Variants in CD302 observed in about 807,000 individuals in gnomAD.
CD302 encodes CD302 antigen.
Under a neutral mutation model 26.5 loss-of-function variants are expected in CD302, and 23 were observed. The ratio of observed to expected loss-of-function variants is 0.87; its 90% confidence interval spans 0.62 to 1.23. The LOEUF (loss-of-function observed/expected upper bound fraction) is 1.23, where lower values mean the gene tolerates loss of function less well. CD302 is among the 50% of genes most tolerant of loss of function. The pLI, the probability that CD302 is intolerant of heterozygous loss-of-function variation, is 0.00. For synonymous variants in CD302, 90 were observed against 99.4 expected, an observed-to-expected ratio of 0.91 and a Z score of 0.56; for missense variants, 290 against 275.5, an observed-to-expected ratio of 1.05 and a Z score of -0.37.
At chr2:159,787,821 T>C (rs1708706791) in intron 1 of CD302, among the ~76,000 whole-genome samples, 1 of 152,226 alleles carries the variant, frequency 6.6e-6, no homozygotes, top group African/African-American at 2.4e-5. Flanking sequence ...CTTGATACTC[T>C]ATAAATGTCT....
chr2:159,779,309 T>C (rs976191795), intron 4 of CD302, among the ~76,000 whole-genome samples: 9 of 147,182 alleles, frequency 6.1e-5, no homozygotes, highest in African/African-American at 2.3e-4. Context: ...TTATAAACTA[T>C]GATGTAGTTT....
chr2:159,797,220 G>GGT (rs1475308013), intron 1 of CD302, among the ~76,000 whole-genome samples: 1 of 118,814 alleles, frequency 8.4e-6, no homozygotes, highest in Non-Finnish European at 1.8e-5. Context: ...TGGGGCAAGG[G>GGT]GTGGGGGGGG....
In CD302 at chr2:159,789,089, C is replaced by G. The variant is rs1013974737; in HGVS notation, c.68-5620G>C. 4.6e-5 allele frequency among the ~76,000 whole-genome samples: 7 copies of G among 151,906 alleles called. No homozygotes were observed. The South Asian group carries it at 6.2e-4, about 14-fold the overall frequency. On this transcript the variant is annotated intron_variant, in intron 1 of 5. Transcript: ENST00000259053. ...CTGGGGTACAATGGCATGGTCATAG[C>G]TCATTGCAGCCTTGAACTCCTGGGC...
chr2:159,776,521 A>G (rs1459820725), intron 5 of CD302, among the ~76,000 whole-genome samples: 1 of 152,052 alleles, frequency 6.6e-6, no homozygotes, highest in Non-Finnish European at 1.5e-5. Flanking sequence ...TCCTACCACA[A>G]GAGTTCCAAT....
In CD302 at chr2:159,772,034, T is replaced by A. The variant is rs1475862146; in HGVS notation, c.516A>T (p.Ser172=). 3 of 1,613,950 alleles carry A rather than the reference T, an allele frequency of 1.9e-6. No individual in the cohort carries two copies. The highest frequency in any genetic ancestry group is 2.5e-6 in the Non-Finnish European group (3 of 1,179,892). ...KYLSDNHILI[S]ALVIASTVIL... ...TTACCGTGCTAGCAATCACCAATGC[T>A]GATATTAAAATGTGGTTATCTGAAA... Residue 172 remains serine (S), a synonymous_variant, in exon 6 of 6, where the codon TCA becomes TCT. Coordinates refer to ENST00000259053, the MANE Select transcript of CD302 (RefSeq NM_014880.5).
At chr2:159,780,213 G>A in intron 3 of CD302, 35 bp from the exon 4 acceptor site, 1 of 1,603,638 alleles carries the variant, frequency 6.2e-7, no homozygotes, top group South Asian at 1.1e-5. Flanking sequence ...CATTATGACA[G>A]TTTTAAAAGG....
At chr2:159,782,966 G>A (rs1167628638) in intron 2 of CD302, among the ~76,000 whole-genome samples, 1 of 152,162 alleles carries the variant, frequency 6.6e-6, no homozygotes, top group Non-Finnish European at 1.5e-5. Context: ...TTAAAATCCT[G>A]GCTTTGTCAA....
intron 5 of CD302, among the ~76,000 whole-genome samples, chr2:159,774,097 T>C (rs777213475): frequency 6.7e-6 from 1 of 148,532 alleles, no homozygotes; most frequent in Non-Finnish European, 1.5e-5. Flanking sequence ...TTGTTAGCCG[T>C]CCAGCCTTGA....
chr2:159,791,495 A>T (rs6432562), intron 1 of CD302, among the ~76,000 whole-genome samples: 98,020 of 152,132 alleles, frequency 0.64, 32,828 homozygotes, highest in African/African-American at 0.82. Flanking sequence ...ATGTTTACAT[A>T]GCACTCATTA....
At chr2:159,792,790 G>C (rs1217044355) in intron 1 of CD302, among the ~76,000 whole-genome samples, 1 of 151,646 alleles carries the variant, frequency 6.6e-6, no homozygotes, top group African/African-American at 2.4e-5. Context: ...ACAGACTGTT[G>C]ACTCACTTCC....
rs1294661633 is a variant in CD302, at chr2:159,787,998, T to C, written c.68-4529A>G. Among the ~76,000 whole-genome samples, 4 of 151,604 alleles carry C rather than the reference T, an allele frequency of 2.6e-5. No homozygotes were observed. The East Asian group carries it at 5.8e-4, about 22-fold the overall frequency. On this transcript the variant is annotated intron_variant, in intron 1 of 5. Transcript: ENST00000259053. ...GGCGGGTGCCTGTAATCCCAGCTAT[T>C]GGGGAGCCTGAGGCAGGAGAATCAC... is the stretch of plus-strand genomic sequence containing the variant.
rs537198387 is a variant in CD302 at position 159,797,224 on chromosome 2, G to C, written c.67+908C>G. On this transcript the variant is annotated intron_variant, in intron 1 of 5. Coordinates refer to ENST00000259053, the MANE Select transcript of CD302 (RefSeq NM_014880.5). ...GCAGTGAAATCTGGGGCAAGGGGTGGGGGGGGGGAATCTCTTGCATTTTAT... is the reference window on the plus strand; with the variant it reads ...GCAGTGAAATCTGGGGCAAGGGGTGCGGGGGGGGAATCTCTTGCATTTTAT... Among the ~76,000 whole-genome samples, 14 of 133,142 alleles carry C rather than the reference G, an allele frequency of 1.1e-4. No homozygotes were observed. The East Asian group carries it at 3.5e-3, about 34-fold the overall frequency. The allele number at this position is 133,142 out of a possible 152,430, so 87.3% of individuals were successfully genotyped here.
At chr2:159,773,182 A>G (rs878999901) in intron 5 of CD302, among the ~76,000 whole-genome samples, 4 of 152,146 alleles carry the variant, frequency 2.6e-5, no homozygotes, top group Admixed American at 1.3e-4. Flanking sequence ...TGTCCAGCTA[A>G]TTTTTGTATT....
intron 1 of CD302, among the ~76,000 whole-genome samples, chr2:159,790,034 T>G (rs1708767508): frequency 1.3e-5 from 2 of 152,222 alleles, no homozygotes; most frequent in South Asian, 4.1e-4. Flanking sequence ...AGATGCAAAA[T>G]TCCATCTTTT....
At chr2:159,786,137 T>C (rs944431499) in intron 1 of CD302, among the ~76,000 whole-genome samples, 1 of 152,168 alleles carries the variant, frequency 6.6e-6, no homozygotes, top group African/African-American at 2.4e-5. Flanking sequence ...AAATAGGGAC[T>C]AAGCCTTATT....
chr2:159,795,853 G>A (rs1365798), intron 1 of CD302, among the ~76,000 whole-genome samples: 44,254 of 152,186 alleles, frequency 0.29, 7,540 homozygotes, highest in South Asian at 0.44. Context: ...TCCACATGAT[G>A]ATCACAGAAT....
intron 1 of CD302, among the ~76,000 whole-genome samples, chr2:159,783,947 T>C (rs1708591936): frequency 6.6e-6 from 1 of 152,228 alleles, no homozygotes; most frequent in Admixed American, 6.5e-5. Context: ...CAAGTTTTCA[T>C]ATTGCACAGG....
At chr2:159,774,972 A>G (rs12997309) in intron 5 of CD302, among the ~76,000 whole-genome samples, 9,888 of 152,248 alleles carry the variant, frequency 0.065, 411 homozygotes, top group Middle Eastern at 0.18. Context: ...ACAGGCTTTC[A>G]CTTTGACTTT....
chr2:159,771,925 G>T lies in CD302; in HGVS notation c.625C>A (p.Pro209Thr), dbSNP rs763092041. 6.2e-7 allele frequency: 1 copy of T among 1,613,972 alleles called. No individual in the cohort carries two copies. The highest frequency in any genetic ancestry group is 8.5e-7 in the Non-Finnish European group (1 of 1,179,934). ...CAGTCTTCATTATAAGGTGATTGGGGTGCGGTTGAAAAAACTGTGGTGAAA... is the reference window on the plus strand; with the variant it reads ...CAGTCTTCATTATAAGGTGATTGGGTTGCGGTTGAAAAAACTGTGGTGAAA... ...SRFTTVFSTA[P>T]QSPYNEDCVL... Residue 209 changes from proline (P) to threonine (T), a missense_variant, in exon 6 of 6, where the codon CCC becomes ACC. Transcript: ENST00000259053.
Sources: gnomAD v4.1 joint callset for allele counts (sites outside exome capture counted in the v4.1 genomes callset) on GRCh38, gnomAD v4.1.1 for gene constraint, MANE v1.5 for transcripts, NCBI Gene and HGNC (gene_info 2026-07-23, HGNC 2026-07-21) for gene names.